MFHAS1: variants seen among roughly 807,000 people sequenced by gnomAD.
MFHAS1 encodes malignant fibrous histiocytoma-amplified sequence 1.
A neutral mutation model predicts 70.4 loss-of-function variants in MFHAS1; 50 were observed. The ratio of observed to expected loss-of-function variants is 0.71; its 90% CI spans 0.57 to 0.90. MFHAS1 has a LOEUF of 0.90. MFHAS1 is among the 40% of genes least tolerant of loss of function. MFHAS1 has a pLI of 0.00. For missense variants in MFHAS1, 1,795 were observed against 1,347.6 expected (o/e 1.33, Z -5.20); for synonymous variants, 952 against 620.0 (o/e 1.54, Z -7.96).
At chr8:8,873,246 T>G (rs1483035175) in intron 1 of MFHAS1, among the ~76,000 whole-genome samples, 9 of 152,208 alleles carry the variant, frequency 5.9e-5, no homozygotes, top group Non-Finnish European at 5.9e-5. Context: ...GAATATATTT[T>G]TTAATAGCAT....
intron 1 of MFHAS1, among the ~76,000 whole-genome samples, chr8:8,886,920 G>A (rs1351182057): frequency 6.6e-6 from 1 of 152,170 alleles, no homozygotes; most frequent in Non-Finnish European, 1.5e-5. Flanking sequence ...GAGGTCAGGA[G>A]TTCAAGACCA....
intron 1 of MFHAS1, among the ~76,000 whole-genome samples, chr8:8,850,811 C>CAAA (rs149181304): frequency 2.8e-5 from 3 of 105,508 alleles, no homozygotes; most frequent in Non-Finnish European, 3.8e-5. Flanking sequence ...AACTCCGTCT[C>CAAA]AAAAAAAAAA....
chr8:8,892,065 G>T lies in MFHAS1; in HGVS notation c.994C>A (p.Arg332Ser). The T allele has an allele frequency of 6.2e-7, 1 of 1,613,340 alleles. No individual in the cohort carries two copies. Among genetic ancestry groups the T allele is most frequent in the African/African-American group, 1.3e-5 (1 of 75,016 alleles). The change falls in exon 1 of 3, where the codon CGC becomes AGC. Residue 332 changes from arginine (R) to serine (S), a missense_variant. Arg to Ser is a moderately radical substitution (Grantham distance 110, BLOSUM62 -1). Coordinates refer to ENST00000276282, the MANE Select transcript of MFHAS1 (RefSeq NM_004225.3). This position sits in a 1 kb window ranked among gnomAD's most constrained non-coding sequence, Gnocchi z 4.7. Reference sequence around the variant, plus strand: ...TCCACGATGGAGTCCGGCAGGTAGCGGATGCGGTTATTATCCAGCCACAAG... The same window carrying T: ...TCCACGATGGAGTCCGGCAGGTAGCTGATGCGGTTATTATCCAGCCACAAG... ...LTLWLDNNRI[R>S]YLPDSIVELT... is the part of the protein sequence containing the mutation.
At chr8:8,830,493 G>C (rs973014399) in intron 1 of MFHAS1, among the ~76,000 whole-genome samples, 9 of 152,214 alleles carry the variant, frequency 5.9e-5, no homozygotes, top group African/African-American at 2.2e-4. Context: ...AATTTAAATA[G>C]GACATTAGTG....
chr8:8,889,813 ATGT>A (rs1809917191), intron 1 of MFHAS1, among the ~76,000 whole-genome samples: 1 of 152,178 alleles, frequency 6.6e-6, no homozygotes, highest in Admixed American at 6.5e-5. Context: ...GAGATGGCAA[ATGT>A]TGTGACTGGA....
rs184401815 is a variant in MFHAS1, at chr8:8,820,529, C to T, written c.2999-23038G>A. On this transcript the variant is annotated intron_variant, in intron 1 of 2. Transcript: ENST00000276282. ...CTTTCTCTTCCCCACCCTGCCCCTC[C>T]ACCCGTGCTCACCCAAACAATTTTA... is the stretch of plus-strand genomic sequence containing the variant. 4.7e-3 allele frequency among the ~76,000 whole-genome samples: 709 copies of T among 152,310 alleles called. 22 individuals carry two copies. Among genetic ancestry groups the T allele is most frequent in the Admixed American group, 0.044 (674 of 15,296 alleles).
At chr8:8,853,023 GCAGGAGGTC>G (rs1554484958) in intron 1 of MFHAS1, among the ~76,000 whole-genome samples, 2 of 152,114 alleles carry the variant, frequency 1.3e-5, no homozygotes, top group Non-Finnish European at 2.9e-5. Context: ...CCCAAAGGAA[GCAGGAGGTC>G]CTGATTCTGT....
intron 1 of MFHAS1, among the ~76,000 whole-genome samples, chr8:8,822,851 T>C (rs1390729962): frequency 6.6e-6 from 1 of 151,314 alleles, no homozygotes; most frequent in Non-Finnish European, 1.5e-5. Flanking sequence ...AGGAACCAAG[T>C]CAGGGGGACT....
intron 1 of MFHAS1, among the ~76,000 whole-genome samples, chr8:8,888,048 A>G (rs1030851528): frequency 6.6e-6 from 1 of 152,182 alleles, no homozygotes; most frequent in African/African-American, 2.4e-5. Flanking sequence ...ACTCCCAGTC[A>G]CTTTATTCCA....
In MFHAS1 at chr8:8,793,341, T is replaced by C. The variant is rs540566566; in HGVS notation, c.3125+4024A>G. On this transcript the variant is annotated intron_variant, in intron 2 of 2. Transcript: ENST00000276282. ...CAGTTTCTTCTTTATAAAGAAAGCA[T>C]TGCAGCACCATTAGTCAAAGACAGG... Among the ~76,000 whole-genome samples, 6 of 152,340 alleles carry C rather than the reference T, an allele frequency of 3.9e-5. No individual in the cohort carries two copies. The South Asian group carries it at 1.0e-3, about 26-fold the overall frequency.
chr8:8,832,456 G>C (rs4840366), intron 1 of MFHAS1, among the ~76,000 whole-genome samples: 117,928 of 148,568 alleles, frequency 0.79, 46,502 homozygotes, highest in East Asian at 0.89. Flanking sequence ...CACACACACA[G>C]AGCCAGTAAC....
At chr8:8,826,404 G>C (rs894825402) in intron 1 of MFHAS1, among the ~76,000 whole-genome samples, 3 of 152,100 alleles carry the variant, frequency 2.0e-5, no homozygotes, top group African/African-American at 4.8e-5. Context: ...CTGAAGGTCT[G>C]GGTAGCCATG....
chr8:8,819,192 T>A (rs1806855178), intron 1 of MFHAS1, among the ~76,000 whole-genome samples: 1 of 152,240 alleles, frequency 6.6e-6, no homozygotes, highest in East Asian at 1.9e-4. Context: ...AAACACTGTT[T>A]CTATTCTACT....
chr8:8,817,788 A>T lies in MFHAS1; in HGVS notation c.2999-20297T>A, dbSNP rs1241756572. 3.3e-5 allele frequency among the ~76,000 whole-genome samples: 5 copies of T among 152,360 alleles called. No individual in the cohort carries two copies. The East Asian group carries it at 9.7e-4, about 29-fold the overall frequency. On this transcript the variant is annotated intron_variant, in intron 1 of 2. Coordinates refer to ENST00000276282, the MANE Select transcript of MFHAS1 (RefSeq NM_004225.3). ...TCTCATAAGGAGTGCACGGATCCCT[A>T]GCATGCAGAATTCACAATAGAGTTC...
rs143026001 is a variant in MFHAS1, at chr8:8,835,623, T to C, written c.2999-38132A>G. On this transcript the variant is annotated intron_variant, in intron 1 of 2. Coordinates refer to ENST00000276282, the MANE Select transcript of MFHAS1 (RefSeq NM_004225.3). ...TCAACAACTTAATTTTCAGCACTTATTAATATTTATAAAGCTTTTCTCTCT... is the reference window on the plus strand; with the variant it reads ...TCAACAACTTAATTTTCAGCACTTACTAATATTTATAAAGCTTTTCTCTCT... 2.3e-4 allele frequency among the ~76,000 whole-genome samples: 35 copies of C among 152,354 alleles called. 1 individual carries two copies. In the East Asian group the frequency reaches 6.4e-3, roughly 28 times the overall value.
intron 1 of MFHAS1, among the ~76,000 whole-genome samples, chr8:8,887,825 A>G (rs1289822104): frequency 2.7e-5 from 4 of 150,238 alleles, no homozygotes; most frequent in African/African-American, 9.8e-5. Flanking sequence ...ACTGGTAAAA[A>G]TTAAACATAA....
In MFHAS1 at chr8:8,813,939, CT is replaced by C. The variant is rs902619137; in HGVS notation, c.2999-16449del. 3.1e-3 allele frequency among the ~76,000 whole-genome samples: 431 copies of C among 138,484 alleles called. 1 individual carries two copies. Among genetic ancestry groups the C allele is most frequent in the East Asian group, 3.5e-3 (17 of 4,828 alleles). 90.9% of individuals were successfully genotyped at this position (138,484 alleles called of 152,430 possible). ...ACACAGGTGTATACCACATTTTTAT[CT>C]TTTTTTTTTTTTTTTTGAGACAGAG... On this transcript the variant is annotated intron_variant, in intron 1 of 2. Coordinates refer to ENST00000276282, the MANE Select transcript of MFHAS1 (RefSeq NM_004225.3).
chr8:8,842,484 C>G (rs963860832), intron 1 of MFHAS1, among the ~76,000 whole-genome samples: 1 of 152,170 alleles, frequency 6.6e-6, no homozygotes, highest in African/African-American at 2.4e-5. Flanking sequence ...CCACCATGCC[C>G]GACCCCACGT....
At chr8:8,879,114 C>G (rs751157151) in intron 1 of MFHAS1, among the ~76,000 whole-genome samples, 1 of 151,882 alleles carries the variant, frequency 6.6e-6, no homozygotes, top group African/African-American at 2.4e-5. Context: ...TTTGGGAGGC[C>G]GAGGCAGGAG....
Sources: gnomAD v4.1 joint callset for allele counts (sites outside exome capture counted in the v4.1 genomes callset) on GRCh38, gnomAD v4.1.1 for gene constraint, Gnocchi (gnomAD v3.1) non-coding constraint, MANE v1.5 for transcripts, NCBI Gene and HGNC (gene_info 2026-07-23, HGNC 2026-07-21) for gene names.